Variants in TENM2 observed in about 807,000 individuals in gnomAD.
TENM2 encodes teneurin transmembrane protein 2.
Under a neutral mutation model 245.2 loss-of-function variants are expected in TENM2, and 52 were observed. That is an observed-to-expected ratio of 0.21 (90% confidence interval 0.17 to 0.27). The LOEUF (loss-of-function observed/expected upper bound fraction) is 0.27, where lower values mean the gene tolerates loss of function less well. Ranked by LOEUF, TENM2 falls within the 10% of genes least tolerant of loss-of-function variation. The pLI, the probability that TENM2 is intolerant of heterozygous loss-of-function variation, is 1.00. For missense variants in TENM2, 3,046 were observed against 3,666.8 expected, an observed-to-expected ratio of 0.83 and a Z score of 4.37; for synonymous variants, 1,363 against 1,438.9, an observed-to-expected ratio of 0.95 and a Z score of 1.19.
At chr5:168,212,198 A>AT (rs1462829462) in intron 20 of TENM2, among the ~76,000 whole-genome samples, 1 of 151,980 alleles carries the variant, frequency 6.6e-6, no homozygotes, top group African/African-American at 2.4e-5. Context: ...AAAAAAAAAA[A>AT]AAGTTAATTG....
intron 2 of TENM2, among the ~76,000 whole-genome samples, chr5:167,863,828 G>T (rs148062848): frequency 6.6e-6 from 1 of 152,094 alleles, no homozygotes; most frequent in Non-Finnish European, 1.5e-5. Flanking sequence ...CTTCCTAACT[G>T]TACGCTAGTG....
intron 2 of TENM2, among the ~76,000 whole-genome samples, chr5:167,497,704 C>A (rs1451327613): frequency 6.6e-6 from 1 of 152,066 alleles, no homozygotes; most frequent in African/African-American, 2.4e-5. Flanking sequence ...TGCTAAACAG[C>A]AAACTTGTTT....
intron 2 of TENM2, among the ~76,000 whole-genome samples, chr5:167,659,606 A>G (rs1364606388): frequency 6.6e-6 from 1 of 152,184 alleles, no homozygotes. Context: ...GCAATGCTTG[A>G]TATGTTTCCT....
intron 12 of TENM2, among the ~76,000 whole-genome samples, chr5:168,137,926 C>T (rs1375542492): frequency 6.6e-6 from 1 of 152,088 alleles, no homozygotes; most frequent in African/African-American, 2.4e-5. Context: ...TTATCGTATC[C>T]TAGAGAGAAG....
chr5:167,274,026 C>T, the TENM2 span, among the ~76,000 whole-genome samples: 2 of 152,016 alleles, frequency 1.3e-5, no homozygotes, highest in Non-Finnish European at 2.9e-5. Context: ...CCACCAATAG[C>T]AACATCTTGC....
chr5:168,211,667 T>A (rs959701780), intron 19 of TENM2, 67 bp from the exon 22 acceptor site: 24 of 1,052,806 alleles, frequency 2.3e-5, no homozygotes, highest in Admixed American at 2.8e-5. Context: ...AATGTTATGT[T>A]TGCTTTATCA....
chr5:167,131,482 C>T, the TENM2 span, among the ~76,000 whole-genome samples: 1 of 152,060 alleles, frequency 6.6e-6, no homozygotes, highest in Non-Finnish European at 1.5e-5. Flanking sequence ...TCTCAGATTC[C>T]ACTGGGACAC....
chr5:168,209,180 G>A (rs1414542924), intron 19 of TENM2, among the ~76,000 whole-genome samples: 1 of 152,118 alleles, frequency 6.6e-6, no homozygotes, highest in African/African-American at 2.4e-5. Context: ...TTGATTATTG[G>A]TGATGTGTAA....
At chr5:168,177,297 A>G (rs537904342) in intron 13 of TENM2, among the ~76,000 whole-genome samples, 20 of 152,364 alleles carry the variant, frequency 1.3e-4, no homozygotes, top group African/African-American at 4.8e-4. Flanking sequence ...TGGTTACTAT[A>G]CAACAAGTCC....
At position 167,857,018 on chromosome 5, in the gene TENM2, G is replaced by T. The variant is rs764796041; in HGVS notation, c.503-18968G>T. The stretch of plus-strand genomic sequence containing the variant: ...TGGGATATGGAAAGATTAAAACAGT[G>T]CAGATTCCGCAACCACCTAGAGCAA... On this transcript the variant is annotated intron_variant, in intron 2 of 28. Coordinates refer to ENST00000518659, the Ensembl canonical transcript of TENM2. 3.3e-5 allele frequency among the ~76,000 whole-genome samples: 5 copies of T among 152,142 alleles called. No homozygotes were observed. In the South Asian group the frequency reaches 1.0e-3, roughly 32 times the overall value.
At chr5:167,326,702 AATATAT>A (rs70976411) in intron 1 of TENM2, among the ~76,000 whole-genome samples, 4 of 143,220 alleles carry the variant, frequency 2.8e-5, no homozygotes, top group African/African-American at 5.1e-5. Flanking sequence ...ATAATAAATA[AATATAT>A]ATATATATAT....
chr5:167,186,516 G>A, the TENM2 span, among the ~76,000 whole-genome samples: 7 of 152,178 alleles, frequency 4.6e-5, no homozygotes, highest in Non-Finnish European at 8.8e-5. Flanking sequence ...TGTGAAAATG[G>A]GTCGGAATTA....
intron 1 of TENM2, among the ~76,000 whole-genome samples, chr5:167,324,198 C>T (rs565493274): frequency 1.1e-4 from 16 of 152,280 alleles, no homozygotes; most frequent in African/African-American, 3.9e-4. Flanking sequence ...TCAATGACAA[C>T]CATTATAGAA....
the TENM2 span, among the ~76,000 whole-genome samples, chr5:167,112,540 G>A: frequency 1.3e-5 from 2 of 152,138 alleles, no homozygotes; most frequent in African/African-American, 4.8e-5. Context: ...TGTATCAAAT[G>A]TTTCGGTCCA....
chr5:167,512,350 T>A (rs1413579086), intron 2 of TENM2, among the ~76,000 whole-genome samples: 4 of 152,196 alleles, frequency 2.6e-5, no homozygotes, highest in Non-Finnish European at 5.9e-5. Flanking sequence ...TAACTCTGAT[T>A]CTTGCTTTTT....
chr5:168,198,524 G>A (rs986721516), intron 15 of TENM2, among the ~76,000 whole-genome samples: 2 of 152,160 alleles, frequency 1.3e-5, no homozygotes, highest in Non-Finnish European at 2.9e-5. Flanking sequence ...AAAACAGGTG[G>A]TGGGCCGGAT....
intron 7 of TENM2, among the ~76,000 whole-genome samples, chr5:168,083,482 C>T (rs777171449): frequency 2.0e-5 from 3 of 152,176 alleles, no homozygotes; most frequent in East Asian, 1.9e-4. Flanking sequence ...GAGATGAACC[C>T]GGTACCTCAG....
In TENM2 at chr5:167,295,146, T is replaced by C. The variant is rs543942673; in HGVS notation, c.226+10083T>C. On this transcript the variant is annotated intron_variant, in intron 1 of 28. Coordinates refer to ENST00000518659, the Ensembl canonical transcript of TENM2. ...CTACCAGGGAATTTGCTCTTTTTAG[T>C]GGCTTGTTTCCTGTTCTAATGAGAA... Among the ~76,000 whole-genome samples, 6 of 152,348 alleles carry C rather than the reference T, an allele frequency of 3.9e-5. No individual in the cohort carries two copies. The South Asian group carries it at 1.2e-3, about 32-fold the overall frequency.
intron 13 of TENM2, among the ~76,000 whole-genome samples, chr5:168,171,459 A>G (rs1291658026): frequency 1.3e-5 from 2 of 152,218 alleles, no homozygotes; most frequent in African/African-American, 4.8e-5. Context: ...AGAAGATTCA[A>G]ACAAGTACAG....
Sources: allele counts gnomAD v4.1 joint callset (sites outside exome capture counted in the v4.1 genomes callset), GRCh38; gene constraint gnomAD v4.1.1; transcripts MANE v1.5; gene names NCBI Gene and HGNC (gene_info 2026-07-23, HGNC 2026-07-21).